The following MX2 variants were observed in gnomAD, a reference collection of about 807,000 sequenced individuals.
The protein encoded by MX2 is interferon-induced GTP-binding protein Mx2.
Under a neutral mutation model 74.0 loss-of-function variants are expected in MX2, and 51 were observed. The ratio of observed to expected loss-of-function variants is 0.69; its 90% CI spans 0.55 to 0.87. The LOEUF (loss-of-function observed/expected upper bound fraction) is 0.87, where lower values mean the gene tolerates loss of function less well. MX2 is among the 40% of genes least tolerant of loss of function. MX2 has a pLI of 0.00. For missense variants in MX2, 832 were observed against 908.7 expected, an observed-to-expected ratio of 0.92 and a Z score of 1.09; for synonymous variants, 369 against 339.3, an observed-to-expected ratio of 1.09 and a Z score of -0.96.
chr21:41,386,232 A>C (rs946157691), intron 5 of MX2, among the ~76,000 whole-genome samples: 1 of 149,898 alleles, frequency 6.7e-6, no homozygotes, highest in South Asian at 2.1e-4. Context: ...AAAAAAAAAA[A>C]AAAAAAAAAA....
chr21:41,404,118 C>T lies in MX2; in HGVS notation c.1650+775C>T, dbSNP rs142387379. The T allele has an allele frequency of 3.9e-3, 632 of 162,198 alleles. 2 individuals are homozygous for T. Among genetic ancestry groups the T allele is most frequent in the African/African-American group, 0.015 (606 of 41,664 alleles). The allele number at this position is 162,198 out of a possible 1,614,324, so 10.0% of individuals were successfully genotyped here. A position where few individuals can be genotyped will look rare whatever the true frequency, so the allele number is the denominator to read the frequency against. On this transcript the variant is annotated intron_variant, in intron 12 of 13. Coordinates refer to ENST00000330714, the MANE Select transcript of MX2 (RefSeq NM_002463.2). ...TCCCTGAGCTCCTGCCCAGCCCCGC[C>T]GGGACACAGGAAGCACTCGGCTGCA...
intron 8 of MX2, 90 bp downstream of exon 8, chr21:41,397,781 CT>C (rs1292478816): frequency 2.7e-6 from 3 of 1,130,422 alleles, no homozygotes; most frequent in Non-Finnish European, 1.3e-6. Flanking sequence ...CCCCACTGAT[CT>C]GTCCAAACAA....
intron 7 of MX2, among the ~76,000 whole-genome samples, chr21:41,396,225 C>T (rs559974463): frequency 6.6e-6 from 1 of 152,202 alleles, no homozygotes; most frequent in Non-Finnish European, 1.5e-5. Flanking sequence ...GGAAAACCTG[C>T]TCGATGGAAC....
rs1205182464 is a variant in MX2, at chr21:41,363,192, GC to G, written c.-72+1141del. 2 of 152,118 alleles carry G rather than the reference GC, an allele frequency of 1.3e-5. No individual in the cohort carries two copies. The highest frequency in any genetic ancestry group is 4.8e-5 in the African/African-American group (2 of 41,354). 9.4% of individuals were successfully genotyped at this position (152,118 alleles called of 1,614,324 possible). A position where few individuals can be genotyped will look rare whatever the true frequency, so the allele number is the denominator to read the frequency against. On this transcript the variant is annotated intron_variant, in intron 1 of 13. Transcript: ENST00000330714. The surrounding 1 kb of genome is among the most constrained non-coding windows in gnomAD (Gnocchi z 4.2). Reference sequence around the variant, plus strand: ...TCCGTTTACTCTGCTCTACTTCCCAGCCCCGCGCCAACCCCTGAAGCACTTT... The same window carrying G: ...TCCGTTTACTCTGCTCTACTTCCCAGCCCGCGCCAACCCCTGAAGCACTTT...
rs1316742903 is a variant in MX2, at chr21:41,397,638, A to G, written c.1096A>G (p.Thr366Ala). 6.2e-7 allele frequency: 1 copy of G among 1,614,156 alleles called. No individual in the cohort carries two copies. The highest frequency in any genetic ancestry group is 8.5e-7 in the Non-Finnish European group (1 of 1,179,976). Residue 366 changes from threonine (T) to alanine (A), a missense_variant, in exon 8 of 14, where the codon ACG (threonine) becomes GCG (alanine). By Grantham distance (58) the Thr-to-Ala change is moderately conservative (BLOSUM62 0). Transcript: ENST00000330714. Reference protein sequence around the residue: ...FRVLLEEGSATVPRLAERLTT... With the variant: ...FRVLLEEGSAAVPRLAERLTT... The stretch of plus-strand genomic sequence containing the variant: ...AGTTCTCCTGGAGGAGGGGTCAGCC[A>G]CGGTTCCCCGACTGGCAGAAAGACT...
chr21:41,368,299 G>A lies in MX2; in HGVS notation c.-72+6244G>A, dbSNP rs563482786. On this transcript the variant is annotated intron_variant, in intron 1 of 13. Transcript: ENST00000330714. The surrounding 1 kb of genome is among the most constrained non-coding windows in gnomAD (Gnocchi z 4.6). ...GCACCCAGCCAGCCGACAGGCTCCC[G>A]AGACAGTCCACTCACACAGACACAC... Among the ~76,000 whole-genome samples, 336 of 152,280 alleles carry A rather than the reference G, an allele frequency of 2.2e-3. 2 individuals carry two copies. Among genetic ancestry groups the A allele is most frequent in the Non-Finnish European group, 2.9e-3 (195 of 68,022 alleles).
At chr21:41,375,147 G>A (rs998981810) in intron 1 of MX2, among the ~76,000 whole-genome samples, 15 of 152,164 alleles carry the variant, frequency 9.9e-5, no homozygotes, top group Admixed American at 6.5e-4. Flanking sequence ...GGGCACCCAA[G>A]TTACCCTCAC....
At chr21:41,392,628 C>T (rs116381786) in intron 6 of MX2, among the ~76,000 whole-genome samples, 2,155 of 152,128 alleles carry the variant, frequency 0.014, 43 homozygotes, top group African/African-American at 0.049. Context: ...CTTAATTACG[C>T]GAACTATAAA....
intron 10 of MX2, 40 bp downstream of exon 10, chr21:41,399,377 T>C (rs772395911): frequency 6.2e-7 from 1 of 1,600,880 alleles, no homozygotes. Flanking sequence ...CAGGGTGGTA[T>C]TTACCCAGAC....
chr21:41,398,987 C>T lies in MX2; in HGVS notation c.1240C>T (p.Gln414Ter). ...LRRCGADIPS[Q>*]EADKMFFLIE... Reference sequence around the variant, plus strand: ...GCGTTGCGGGGCTGACATCCCCAGCCAGGAGGCCGACAAGATGTTCTTTCT... The same window carrying T: ...GCGTTGCGGGGCTGACATCCCCAGCTAGGAGGCCGACAAGATGTTCTTTCT... Residue 414 changes from glutamine to a stop codon, truncating the protein, a stop_gained, in exon 9 of 14, where the codon CAG becomes TAG. Transcript: ENST00000330714. LOFTEE classifies it high-confidence loss of function. 1 of 1,613,888 alleles carries T rather than the reference C, an allele frequency of 6.2e-7. No homozygotes were observed. Among genetic ancestry groups the T allele is most frequent in the Non-Finnish European group, 8.5e-7 (1 of 1,179,800 alleles).
chr21:41,393,817 C>T (rs994119765), intron 6 of MX2, among the ~76,000 whole-genome samples: 1 of 152,186 alleles, frequency 6.6e-6, no homozygotes, highest in African/African-American at 2.4e-5. Context: ...CAGAACAGAA[C>T]TCTTGGTTTC....
chr21:41,407,978 C>T lies in MX2; in HGVS notation c.1906-13C>T. 1 of 1,613,940 alleles carries T rather than the reference C, an allele frequency of 6.2e-7. No homozygotes were observed. The highest frequency in any genetic ancestry group is 8.5e-7 in the Non-Finnish European group (1 of 1,179,874). On this transcript the variant is annotated splice_polypyrimidine_tract_variant and intron_variant, in intron 13 of 13. Transcript: ENST00000330714. ...AGACCACTCCAGCAAACCCTTCTTTCTCCCTCTTCCAGGAAACCAGCAAAC... is the reference window on the plus strand; with the variant it reads ...AGACCACTCCAGCAAACCCTTCTTTTTCCCTCTTCCAGGAAACCAGCAAAC...
At chr21:41,383,482 C>T (rs1417227824) in intron 5 of MX2, among the ~76,000 whole-genome samples, 1 of 152,256 alleles carries the variant, frequency 6.6e-6, no homozygotes. Flanking sequence ...AGTCCCCGGA[C>T]CAGCCCTGTC....
intron 1 of MX2, chr21:41,365,206 T>C (rs201912690): frequency 4.6e-5 from 1 of 21,898 alleles, no homozygotes; most frequent in Non-Finnish European, 1.3e-4. Flanking sequence ...CAGGAAAATT[T>C]GTTTGTTTGT....
intron 12 of MX2, chr21:41,403,615 G>A (rs1352497630): frequency 1.5e-6 from 1 of 684,914 alleles, no homozygotes; most frequent in South Asian, 1.4e-5. Context: ...GCAGGATGTG[G>A]GGCTCCACCG....
chr21:41,367,483 C>T (rs554389637), intron 1 of MX2, among the ~76,000 whole-genome samples: 12 of 152,158 alleles, frequency 7.9e-5, no homozygotes, highest in East Asian at 3.9e-4. Context: ...ATGCAGAACC[C>T]GGCAATGGCT....
At chr21:41,399,082 C>A in intron 9 of MX2, 63 bp downstream of exon 9, 1 of 1,595,786 alleles carries the variant, frequency 6.3e-7, no homozygotes, top group Non-Finnish European at 8.6e-7. Context: ...TGCAGCTGCC[C>A]TTCCCCTTCT....
chr21:41,401,987 G>A lies in MX2; in HGVS notation c.1432G>A (p.Glu478Lys), dbSNP rs189548312. The A allele has an allele frequency of 1.8e-5, 29 of 1,613,456 alleles. No individual in the cohort carries two copies. The highest frequency in any genetic ancestry group is 2.2e-5 in the East Asian group (1 of 44,872). Residue 478 changes from glutamate (E) to lysine (K), a missense_variant, in exon 11 of 14, where the codon GAA becomes AAA. Physicochemically the swap from Glu to Lys is moderately conservative, Grantham distance 56. Coordinates refer to ENST00000330714, the MANE Select transcript of MX2 (RefSeq NM_002463.2). ...TGTTGCAGTTAAAAATATTATCCAC[G>A]AAGAAGTTGAAAAATATGAAAAGCA... is the stretch of plus-strand genomic sequence containing the variant. Reference protein sequence around the residue: ...NTQKVKNIIHEEVEKYEKQYR... With the variant: ...NTQKVKNIIHKEVEKYEKQYR...
At position 41,399,278 on chromosome 21, in the gene MX2, A is replaced by G. The variant is rs1292240291; in HGVS notation, c.1355A>G (p.Asn452Ser). 3 of 1,613,996 alleles carry G rather than the reference A, an allele frequency of 1.9e-6. No individual in the cohort carries two copies. The highest frequency in any genetic ancestry group is 2.7e-5 in the African/African-American group (2 of 74,936). The change falls in exon 10 of 14, where the codon AAC becomes AGC. Residue 452 changes from asparagine to serine, a missense_variant. Coordinates refer to ENST00000330714, the MANE Select transcript of MX2 (RefSeq NM_002463.2). ...AGGGAGAATGAGACCCGTTTATACA[A>G]CAAAATCAGAGAGGATTTTAAAAAC... ...VVRENETRLY[N>S]KIREDFKNWV...
Sources: allele counts gnomAD v4.1 joint callset (sites outside exome capture counted in the v4.1 genomes callset), GRCh38; gene constraint gnomAD v4.1.1; non-coding constraint Gnocchi (gnomAD v3.1); transcripts MANE v1.5; gene names NCBI Gene and HGNC (gene_info 2026-07-23, HGNC 2026-07-21).